RP1: variants seen among roughly 807,000 people sequenced by gnomAD.
RP1 encodes oxygen-regulated protein 1.
RP1 carries 16 observed loss-of-function variants against 14.8 expected under a neutral mutation model. The ratio of observed to expected loss-of-function variants is 1.08; its 90% CI spans 0.73 to 1.65. The LOEUF (loss-of-function observed/expected upper bound fraction) is 1.65, where lower values mean the gene tolerates loss of function less well. Ranked by LOEUF, RP1 falls within the 40% of genes most tolerant of loss-of-function variation. The pLI is 0.00. For missense variants in RP1, 2,631 were observed against 2,535.0 expected (o/e 1.04, Z -0.81); for synonymous variants, 876 against 883.6 (o/e 0.99, Z 0.15).
At chr8:54,697,453 G>A (rs545874785) in intron 12 of RP1, among the ~76,000 whole-genome samples, 2 of 152,174 alleles carry the variant, frequency 1.3e-5, no homozygotes, top group Non-Finnish European at 2.9e-5. Flanking sequence ...TACTCAGGAG[G>A]CTGAGGCAGG....
chr8:54,620,169 A>C (rs1047264992), intron 1 of RP1, among the ~76,000 whole-genome samples: 1 of 152,218 alleles, frequency 6.6e-6, no homozygotes, highest in African/African-American at 2.4e-5. Context: ...TGGGTTGTAT[A>C]TATTTCTGGA....
intron 1 of RP1, among the ~76,000 whole-genome samples, chr8:54,604,241 G>T (rs1378804164): frequency 1.3e-5 from 2 of 152,092 alleles, no homozygotes; most frequent in Non-Finnish European, 2.9e-5. Context: ...AGAGTTTTTA[G>T]CATGAAGAGT....
chr8:54,564,014 T>C (rs1392210312), intron 1 of RP1, among the ~76,000 whole-genome samples: 3 of 152,202 alleles, frequency 2.0e-5, no homozygotes, highest in African/African-American at 7.2e-5. Context: ...TTTCAAGTTA[T>C]GCTGGTGTGA....
At chr8:54,591,574 G>A (rs1035302617) in intron 1 of RP1, among the ~76,000 whole-genome samples, 1 of 151,992 alleles carries the variant, frequency 6.6e-6, no homozygotes, top group African/African-American at 2.4e-5. Flanking sequence ...TTCTGTACCT[G>A]AAATTATCTT....
chr8:54,869,467 A>G (rs1296774843), intron 28 of RP1, among the ~76,000 whole-genome samples: 1 of 152,220 alleles, frequency 6.6e-6, no homozygotes, highest in Non-Finnish European at 1.5e-5. Flanking sequence ...GTGCTGTCCT[A>G]GAGTCTGAGG....
chr8:54,775,343 G>C (rs1810006589), intron 23 of RP1, among the ~76,000 whole-genome samples: 1 of 152,182 alleles, frequency 6.6e-6, no homozygotes, highest in Non-Finnish European at 1.5e-5. Flanking sequence ...GTGTAAAGCA[G>C]AAATGATACT....
chr8:54,841,781 C>T (rs952240421), intron 25 of RP1, among the ~76,000 whole-genome samples: 1 of 152,178 alleles, frequency 6.6e-6, no homozygotes, highest in African/African-American at 2.4e-5. Flanking sequence ...AGAATGCTGA[C>T]TCAGCTCGAG....
chr8:54,612,450 C>T (rs1158170067), upstream of RP1, among the ~76,000 whole-genome samples: 1 of 152,186 alleles, frequency 6.6e-6, no homozygotes, highest in African/African-American at 2.4e-5. Flanking sequence ...CCAAGCCTTC[C>T]TCTGGAACCT....
Position 54,621,244 on chromosome 8 carries a change from C to A in RP1, c.278C>A (p.Thr93Lys), listed in dbSNP as rs139533342. 3.8e-5 allele frequency: 61 copies of A among 1,614,150 alleles called. No individual in the cohort carries two copies. The African/African-American group carries it at 6.3e-4, about 17-fold the overall frequency. ...ISTPRGRHSI[T>K]RLEELEDGES... ...ACCCCTCGGGGCAGGCACAGCATCA[C>A]GCGCCTGGAGGAGCTGGAGGACGGC... Residue 93 changes from threonine to lysine, a missense_variant, in exon 2 of 4, where the codon ACG becomes AAG. By Grantham distance (78) the Thr-to-Lys change is moderately conservative (BLOSUM62 -1). Transcript: ENST00000220676.
chr8:54,692,761 G>T (rs140882112), intron 12 of RP1, among the ~76,000 whole-genome samples: 7 of 148,908 alleles, frequency 4.7e-5, no homozygotes, highest in South Asian at 2.2e-4. Context: ...CTCCCATTCT[G>T]TAGGTTGCCT....
chr8:54,756,148 A>T (rs970551715), intron 21 of RP1, among the ~76,000 whole-genome samples: 2 of 152,244 alleles, frequency 1.3e-5, no homozygotes, highest in Non-Finnish European at 2.9e-5. Flanking sequence ...TATTTCATAT[A>T]ATAACACAAT....
intron 1 of RP1, among the ~76,000 whole-genome samples, chr8:54,573,674 T>G (rs1366199315): frequency 6.6e-6 from 1 of 152,156 alleles, no homozygotes; most frequent in Non-Finnish European, 1.5e-5. Flanking sequence ...GCAGAGTGGA[T>G]CTGCAGTAAC....
intron 14 of RP1, among the ~76,000 whole-genome samples, chr8:54,704,603 G>C (rs186275847): frequency 5.3e-5 from 8 of 152,200 alleles, no homozygotes; most frequent in Admixed American, 1.3e-4. Context: ...CTTGCTTGAT[G>C]TAGGGTTCTC....
At chr8:54,764,218 C>G (rs1809710491) in intron 22 of RP1, among the ~76,000 whole-genome samples, 1 of 152,252 alleles carries the variant, frequency 6.6e-6, no homozygotes, top group Non-Finnish European at 1.5e-5. Flanking sequence ...AGATCACACT[C>G]TGGGGGAACC....
chr8:54,619,906 C>T (rs1805814706), intron 1 of RP1, among the ~76,000 whole-genome samples: 1 of 152,178 alleles, frequency 6.6e-6, no homozygotes, highest in African/African-American at 2.4e-5. Context: ...CATTTTCCTC[C>T]AGACAATTTG....
At chr8:54,669,612 G>C (rs1807101479) in intron 7 of RP1, among the ~76,000 whole-genome samples, 1 of 152,146 alleles carries the variant, frequency 6.6e-6, no homozygotes, top group Non-Finnish European at 1.5e-5. Flanking sequence ...CAATAGCAAA[G>C]ACTTGGAACC....
intron 1 of RP1, among the ~76,000 whole-genome samples, chr8:54,600,621 G>C (rs763038426): frequency 1.3e-5 from 2 of 152,078 alleles, no homozygotes; most frequent in Non-Finnish European, 2.9e-5. Context: ...GTAGGGAAGA[G>C]AGGGATGCCT....
intron 15 of RP1, among the ~76,000 whole-genome samples, chr8:54,714,526 C>T (rs1230116465): frequency 6.6e-6 from 1 of 152,162 alleles, no homozygotes; most frequent in Non-Finnish European, 1.5e-5. Flanking sequence ...CACCCAGGAA[C>T]TGAAGACAGC....
chr8:54,658,902 G>A (rs1217148120), intron 6 of RP1, among the ~76,000 whole-genome samples: 1 of 136,032 alleles, frequency 7.4e-6, no homozygotes. Context: ...TTTTTCTATT[G>A]ATACTGGCCA....
Sources: allele counts gnomAD v4.1 joint callset (sites outside exome capture counted in the v4.1 genomes callset), GRCh38; gene constraint gnomAD v4.1.1; transcripts MANE v1.5; gene names NCBI Gene and HGNC (gene_info 2026-07-23, HGNC 2026-07-21).